ZBTB10: variants seen among roughly 807,000 people sequenced by gnomAD.
ZBTB10 encodes the protein zinc finger and BTB domain-containing protein 10.
A neutral mutation model predicts 76.4 loss-of-function variants in ZBTB10; 32 were observed. That is an observed-to-expected ratio of 0.42 (90% CI 0.32 to 0.56). The LOEUF (loss-of-function observed/expected upper bound fraction) is 0.56, where lower values mean the gene tolerates loss of function less well. Among genes scored for constraint, ZBTB10 ranks in the 20% least tolerant of loss-of-function variants. The probability of loss-of-function intolerance (pLI) is 0.14; values close to 1 mark genes in which losing one functional copy is unlikely to be tolerated. For missense variants in ZBTB10, 1,057 were observed against 1,098.5 expected (o/e 0.96, Z 0.53); for synonymous variants, 523 against 432.9 (o/e 1.21, Z -2.58).
chr8:80,512,700 A>G (rs976470251), intron 2 of ZBTB10, among the ~76,000 whole-genome samples: 6 of 152,194 alleles, frequency 3.9e-5, no homozygotes, highest in African/African-American at 1.4e-4. Context: ...TGACAGAGGG[A>G]GACCCTGTCT....
intron 1 of ZBTB10, among the ~76,000 whole-genome samples, chr8:80,496,408 T>C (rs1815784906): frequency 6.6e-6 from 1 of 151,216 alleles, no homozygotes. Context: ...TAATAGCTGC[T>C]GCAAACATAT....
At position 80,486,916 on chromosome 8, in the gene ZBTB10, T is replaced by C; in HGVS notation, c.106T>C (p.Ser36Pro). The C allele has an allele frequency of 6.6e-7, 1 of 1,507,434 alleles. No homozygotes were observed. Among genetic ancestry groups the C allele is most frequent in the Non-Finnish European group, 8.8e-7 (1 of 1,132,102 alleles). 93.4% of individuals were successfully genotyped at this position (1,507,434 alleles called of 1,614,324 possible). The change falls in exon 1 of 6, where the codon TCA (serine) becomes CCA (proline). Residue 36 changes from serine to proline, a missense_variant. Ser to Pro is a moderately conservative substitution (Grantham distance 74, BLOSUM62 -1). This residue lies in a region of ZBTB10 where 556 missense variants were observed against 451.7 expected (regional missense o/e 1.23). Coordinates refer to ENST00000455036, the MANE Select transcript of ZBTB10 (RefSeq NM_001105539.3). The stretch of plus-strand genomic sequence containing the variant: ...GAACAATAACGCTGGCGGGGAGGCC[T>C]CAGCTTGGCCTCCGCAGCCCCAGCC... The part of the protein sequence containing the change: ...STNNNAGGEA[S>P]AWPPQPQPRQ...
intron 2 of ZBTB10, among the ~76,000 whole-genome samples, chr8:80,504,247 A>G (rs1204300089): frequency 6.6e-6 from 1 of 152,228 alleles, no homozygotes; most frequent in African/African-American, 2.4e-5. Flanking sequence ...ATGCTTTTAA[A>G]TAAATTTGAA....
chr8:80,486,785 G>GGGCGGC lies in ZBTB10; in HGVS notation c.-12_-7dup, dbSNP rs533117472. ...GAGGCCGTGCGCGAGCCGGGGCACC[G>GGGCGGC]GGCGGCGGCGGCGGCGGCGCGCGCC... On this transcript the variant is annotated 5_prime_UTR_variant, in exon 1 of 6. Coordinates refer to ENST00000455036, the MANE Select transcript of ZBTB10 (RefSeq NM_001105539.3). 5.2e-4 allele frequency: 725 copies of GGGCGGC among 1,382,188 alleles called. 6 individuals carry two copies. The African/African-American group carries it at 7.9e-3, about 15-fold the overall frequency. 85.6% of individuals were successfully genotyped at this position (1,382,188 alleles called of 1,614,324 possible).
In ZBTB10 at chr8:80,493,193, A is replaced by ATG. The variant is rs1491520799; in HGVS notation, c.972+5411_972+5412insTG. ...GCGACAAGCAAGACTGTGCCTCAAA[A>ATG]CGCGCGCGCGCGCGCACACACACAC... is the stretch of plus-strand genomic sequence containing the variant. On this transcript the variant is annotated intron_variant, in intron 1 of 5. Coordinates refer to ENST00000455036, the MANE Select transcript of ZBTB10 (RefSeq NM_001105539.3). Among the ~76,000 whole-genome samples, 216 of 124,448 alleles carry ATG rather than the reference A, an allele frequency of 1.7e-3. 1 individual carries two copies. Among genetic ancestry groups the ATG allele is most frequent in the African/African-American group, 6.2e-3 (192 of 30,934 alleles). The allele number at this position is 124,448 out of a possible 152,430, so 81.6% of individuals were successfully genotyped here.
rs1268155941 is a variant in ZBTB10 at position 80,487,752 on chromosome 8, C to T, written c.942C>T (p.Thr314=). 1.2e-6 allele frequency: 2 copies of T among 1,605,710 alleles called. No individual in the cohort carries two copies. The highest frequency in any genetic ancestry group is 1.7e-5 in the Admixed American group (1 of 58,990). ...TCCTCCTGAGGCACCACGTCTCTAC[C>T]GAGCACAAACTCCACGAAGCCAACG... ...KTLLLRHHVS[T]EHKLHEANAQ... Residue 314 remains threonine, a synonymous_variant, in exon 1 of 6, where the codon ACC becomes ACT. Coordinates refer to ENST00000455036, the MANE Select transcript of ZBTB10 (RefSeq NM_001105539.3).
chr8:80,515,522 GA>G (rs1311571543), intron 3 of ZBTB10, among the ~76,000 whole-genome samples: 3 of 152,136 alleles, frequency 2.0e-5, no homozygotes, highest in African/African-American at 7.2e-5. Context: ...GAATTTTAAA[GA>G]TTTTTTTGCT....
chr8:80,504,486 G>A (rs1412912034), intron 2 of ZBTB10, among the ~76,000 whole-genome samples: 2 of 152,082 alleles, frequency 1.3e-5, no homozygotes, highest in Non-Finnish European at 2.9e-5. Flanking sequence ...TAGCTGCAGG[G>A]TTTTTATTCA....
At position 80,486,250 on chromosome 8, in the gene ZBTB10, GC is replaced by G; in HGVS notation, c.-559del. On this transcript the variant is annotated 5_prime_UTR_variant, in exon 1 of 6. Coordinates refer to ENST00000455036, the MANE Select transcript of ZBTB10 (RefSeq NM_001105539.3). ...CATTTGCCATTCGACCTCCGCCAGG[GC>G]CTGGTCGGACGGAAACGCTCCGCCG... 1 of 1,027,564 alleles carries G rather than the reference GC, an allele frequency of 9.7e-7. No individual in the cohort carries two copies. Among genetic ancestry groups the G allele is most frequent in the Non-Finnish European group, 1.2e-6 (1 of 858,520 alleles). The allele number at this position is 1,027,564 out of a possible 1,614,324, so 63.7% of individuals were successfully genotyped here. A position where few individuals can be genotyped will look rare whatever the true frequency, so the allele number is the denominator to read the frequency against.
intron 2 of ZBTB10, among the ~76,000 whole-genome samples, chr8:80,506,048 T>C (rs1265150670): frequency 2.0e-5 from 3 of 151,668 alleles, no homozygotes; most frequent in Non-Finnish European, 2.9e-5. Flanking sequence ...AGCCACTGTG[T>C]CCAGTCTAAA....
At chr8:80,519,001 T>A (rs1175606222) in intron 5 of ZBTB10, 47 bp downstream of exon 5, 2 of 1,531,414 alleles carry the variant, frequency 1.3e-6, no homozygotes, top group Non-Finnish European at 1.8e-6. Flanking sequence ...ACTATATTTA[T>A]GTCAGTGAAG....
At position 80,526,233 on chromosome 8, in the gene ZBTB10, C is replaced by T. The variant is rs921580797; in HGVS notation, c.*6705C>T. On this transcript the variant is annotated 3_prime_UTR_variant, in exon 6 of 6. Transcript: ENST00000455036. Reference sequence around the variant, plus strand: ...CCTGTTGGAGTTTTGATGTAGAGTGCAATAATACATCAATAAAGGTATTTT... The same window carrying T: ...CCTGTTGGAGTTTTGATGTAGAGTGTAATAATACATCAATAAAGGTATTTT... The T allele has an allele frequency of 2.0e-5, 3 of 152,040 alleles. No individual in the cohort carries two copies. Among genetic ancestry groups the T allele is most frequent in the Non-Finnish European group, 4.4e-5 (3 of 68,004 alleles). The allele number at this position is 152,040 out of a possible 1,614,324, so 9.4% of individuals were successfully genotyped here.
rs1164746874 is a variant in ZBTB10 at position 80,486,980 on chromosome 8, C to T, written c.170C>T (p.Pro57Leu). 1.3e-6 allele frequency: 2 copies of T among 1,513,120 alleles called. No individual in the cohort carries two copies. The highest frequency in any genetic ancestry group is 5.4e-5 in the East Asian group (2 of 37,090). 93.7% of individuals were successfully genotyped at this position (1,513,120 alleles called of 1,614,324 possible). A position where few individuals can be genotyped will look rare whatever the true frequency, so the allele number is the denominator to read the frequency against. ...PPPPAPPALQ[P>L]PNGRGADEEV... ...CCGCCAGCGCCGCCCGCGCTTCAGC[C>T]GCCTAATGGGCGGGGGGCCGACGAG... The change falls in exon 1 of 6, where the codon CCG becomes CTG. Residue 57 changes from proline to leucine, a missense_variant. This residue lies in a region of ZBTB10 where 556 missense variants were observed against 451.7 expected (regional missense o/e 1.23). Coordinates refer to ENST00000455036, the MANE Select transcript of ZBTB10 (RefSeq NM_001105539.3).
At chr8:80,497,544 G>T (rs1245829976) in intron 1 of ZBTB10, among the ~76,000 whole-genome samples, 2 of 151,902 alleles carry the variant, frequency 1.3e-5, no homozygotes, top group African/African-American at 4.8e-5. Context: ...GTATGGGAAG[G>T]TTGCCAAGGA....
At chr8:80,498,712 A>T (rs1201430045) in intron 1 of ZBTB10, among the ~76,000 whole-genome samples, 1 of 152,248 alleles carries the variant, frequency 6.6e-6, no homozygotes, top group Non-Finnish European at 1.5e-5. Flanking sequence ...TCTGGATCAT[A>T]CTTTTATTCT....
Position 80,519,459 on chromosome 8 carries a change from TGGA to T in ZBTB10, c.2549_2551del (p.Gly850del). The T allele has an allele frequency of 6.2e-7, 1 of 1,612,506 alleles. No individual in the cohort carries two copies. Reference sequence around the variant, plus strand: ...AAGCTGATGAAGAGCTAGTTGATGATGGAGAAGATCAGAATGATCCCTCTCGAT... The same window carrying T: ...AAGCTGATGAAGAGCTAGTTGATGATGAAGATCAGAATGATCCCTCTCGAT... On this transcript the variant is annotated inframe_deletion, in exon 6 of 6. Coordinates refer to ENST00000455036, the MANE Select transcript of ZBTB10 (RefSeq NM_001105539.3).
Position 80,518,507 on chromosome 8 carries a change from C to A in ZBTB10, c.2065C>A (p.Pro689Thr). 2 of 1,553,276 alleles carry A rather than the reference C, an allele frequency of 1.3e-6. No homozygotes were observed. The highest frequency in any genetic ancestry group is 1.7e-6 in the Non-Finnish European group (2 of 1,147,942). ...AAATGATTTCAAGTATGGATTGATA[C>A]CAGGTGCTTCAAATGATTTCAAGTA... is the stretch of plus-strand genomic sequence containing the variant. ...TSNDFKYGLI[P>T]GASNDFKYGL... The change falls in exon 4 of 6, where the codon CCA becomes ACA. Residue 689 changes from proline (P) to threonine (T), a missense_variant. This residue lies in a region of ZBTB10 where 306 missense variants were observed against 297.5 expected (regional missense o/e 1.03). Transcript: ENST00000455036.
upstream of ZBTB10, chr8:80,485,947 A>AGCCCGGCCCCGGCCGCACAC: frequency 6.7e-7 from 1 of 1,489,382 alleles, no homozygotes; most frequent in Admixed American, 2.0e-5. Flanking sequence ...TCCTCCGCGT[A>AGCCCGGCCCCGGCCGCACAC]GCCCGGCCCC....
At chr8:80,506,494 A>G (rs1286188086) in intron 2 of ZBTB10, among the ~76,000 whole-genome samples, 1 of 150,592 alleles carries the variant, frequency 6.6e-6, no homozygotes, top group Admixed American at 6.6e-5. Context: ...TTGTATTTTT[A>G]GTAGAGACGA....
Sources: allele counts gnomAD v4.1 joint callset (sites outside exome capture counted in the v4.1 genomes callset), GRCh38; gene constraint gnomAD v4.1.1; regional missense constraint gnomAD v4.1.1; transcripts MANE v1.5; gene names NCBI Gene and HGNC (gene_info 2026-07-23, HGNC 2026-07-21).